Variants in PTPN14 observed in about 807,000 individuals in gnomAD.
The protein encoded by PTPN14 is tyrosine-protein phosphatase non-receptor type 14.
A neutral mutation model predicts 126.8 loss-of-function variants in PTPN14; 53 were observed. The ratio of observed to expected loss-of-function variants is 0.42; its 90% CI spans 0.34 to 0.53. The LOEUF is 0.53. PTPN14 is among the 20% of genes least tolerant of loss of function. The pLI, the probability that PTPN14 is intolerant of heterozygous loss-of-function variation, is 0.08. For missense variants in PTPN14, 1,257 were observed against 1,552.9 expected (o/e 0.81, Z 3.20); for synonymous variants, 630 against 599.3 (o/e 1.05, Z -0.75).
chr1:214,449,575 T>A (rs1214061435), intron 3 of PTPN14, among the ~76,000 whole-genome samples: 4 of 152,192 alleles, frequency 2.6e-5, no homozygotes, highest in African/African-American at 9.7e-5. Flanking sequence ...TAATGCTGTG[T>A]TCCTAGCACC....
chr1:214,389,141 G>A (rs1470028306), intron 11 of PTPN14, among the ~76,000 whole-genome samples: 1 of 152,052 alleles, frequency 6.6e-6, no homozygotes, highest in African/African-American at 2.4e-5. Flanking sequence ...CCATTTTAAG[G>A]CTTTAAAGAA....
chr1:214,495,659 TTTTTTTTATTTATTTATTTATTTATTTA>T (rs1227654961), intron 1 of PTPN14, among the ~76,000 whole-genome samples: 8 of 148,512 alleles, frequency 5.4e-5, no homozygotes, highest in South Asian at 4.2e-4. Flanking sequence ...TGCTATTTTA[TTTTTTTTATTTATTTATTTATTTATTTA>T]TTTATTTATT....
intron 1 of PTPN14, among the ~76,000 whole-genome samples, chr1:214,485,799 C>T (rs1272114852): frequency 6.6e-6 from 1 of 151,962 alleles, no homozygotes; most frequent in Non-Finnish European, 1.5e-5. Context: ...GATCTCAGCT[C>T]ACTGCAAGCT....
At chr1:214,454,004 A>T (rs1373356719) in intron 2 of PTPN14, among the ~76,000 whole-genome samples, 1 of 152,178 alleles carries the variant, frequency 6.6e-6, no homozygotes, top group Non-Finnish European at 1.5e-5. Context: ...AACTTATCTG[A>T]AAAGGGTCCA....
At chr1:214,454,369 A>T (rs1247318370) in intron 2 of PTPN14, among the ~76,000 whole-genome samples, 4 of 152,222 alleles carry the variant, frequency 2.6e-5, no homozygotes, top group South Asian at 2.1e-4. Context: ...AATCGATTTT[A>T]AAAAACGGTT....
chr1:214,419,749 G>GT lies in PTPN14; in HGVS notation c.345-5024_345-5023insA, dbSNP rs1659502735. On this transcript the variant is annotated intron_variant, in intron 3 of 18. Transcript: ENST00000366956. Reference sequence around the variant, plus strand: ...GTCCTGGGGTACAGGAGAGCAAAGGGGAATAATTTAAAATCTTAGATTGAC... The same window carrying GT: ...GTCCTGGGGTACAGGAGAGCAAAGGGTGAATAATTTAAAATCTTAGATTGAC... 7.9e-5 allele frequency among the ~76,000 whole-genome samples: 12 copies of GT among 152,198 alleles called. No individual in the cohort carries two copies. The South Asian group carries it at 2.5e-3, about 32-fold the overall frequency.
chr1:214,464,768 G>C lies in PTPN14; in HGVS notation c.36C>G (p.Arg12=). 1 of 1,614,292 alleles carries C rather than the reference G, an allele frequency of 6.2e-7. No homozygotes were observed. The highest frequency in any genetic ancestry group is 8.5e-7 in the Non-Finnish European group (1 of 1,180,050). ...PFGLKLRRTR[R]YNVLSKNCFV... ...AGCAGTTCTTGCTCAGGACGTTGTA[G>C]CGCCGTGTCCGGCGGAGCTTCAGAC... Residue 12 remains arginine, a synonymous_variant, in exon 2 of 19, where the codon CGC becomes CGG. Transcript: ENST00000366956.
chr1:214,456,609 G>A (rs1660388980), intron 2 of PTPN14, among the ~76,000 whole-genome samples: 1 of 152,096 alleles, frequency 6.6e-6, no homozygotes, highest in African/African-American at 2.4e-5. Context: ...AAAAGAAAAT[G>A]CAGAGTAACA....
rs566944926 is a variant in PTPN14, at chr1:214,491,018, GAAGA to G, written c.-154-26065_-154-26062del. On this transcript the variant is annotated intron_variant, in intron 1 of 18. Coordinates refer to ENST00000366956, the MANE Select transcript of PTPN14 (RefSeq NM_005401.5). The stretch of plus-strand genomic sequence containing the variant: ...AAGGAAAGGAAAGAAAGGAAGAAAG[GAAGA>G]AAGGAAGGAAGGAAGAAAGAAAGAA... Among the ~76,000 whole-genome samples the G allele has an allele frequency of 1.8e-3, 254 of 143,454 alleles. 1 individual carries two copies. The highest frequency in any genetic ancestry group is 5.4e-3 in the South Asian group (24 of 4,422). The allele number at this position is 143,454 out of a possible 152,430, so 94.1% of individuals were successfully genotyped here. A position where few individuals can be genotyped will look rare whatever the true frequency, so the allele number is the denominator to read the frequency against.
intron 1 of PTPN14, among the ~76,000 whole-genome samples, 188 bp downstream of exon 1, chr1:214,550,994 GC>G: frequency 6.6e-6 from 1 of 152,272 alleles, no homozygotes; most frequent in African/African-American, 2.4e-5. Context: ...CTCACCGCGG[GC>G]AGCTCCCACC....
chr1:214,379,870 C>A (rs1658432238), intron 13 of PTPN14, among the ~76,000 whole-genome samples: 1 of 152,248 alleles, frequency 6.6e-6, no homozygotes, highest in Non-Finnish European at 1.5e-5. Flanking sequence ...CATGCCCCGA[C>A]CACCTTGGGC....
chr1:214,520,065 A>AAATATATATAT lies in PTPN14; in HGVS notation c.-155+31117_-155+31118insATATATATATT. ...CCTGTCTCAAAAAAAAAAAAAAAAA[A>AAATATATATAT]ATATATATATATATATATGCAGAAT... On this transcript the variant is annotated intron_variant, in intron 1 of 18. Coordinates refer to ENST00000366956, the MANE Select transcript of PTPN14 (RefSeq NM_005401.5). 7.2e-4 allele frequency among the ~76,000 whole-genome samples: 51 copies of AAATATATATAT among 71,100 alleles called. 1 individual carries two copies. The highest frequency in any genetic ancestry group is 3.5e-3 in the African/African-American group (48 of 13,682). 46.6% of individuals were successfully genotyped at this position (71,100 alleles called of 152,430 possible).
At chr1:214,483,962 C>T (rs1661058135) in intron 1 of PTPN14, among the ~76,000 whole-genome samples, 3 of 152,300 alleles carry the variant, frequency 2.0e-5, no homozygotes, top group Admixed American at 2.0e-4. Flanking sequence ...AGAGAAAGAC[C>T]CTTTCATCTC....
At chr1:214,463,034 C>T (rs1261169951) in intron 2 of PTPN14, among the ~76,000 whole-genome samples, 2 of 152,138 alleles carry the variant, frequency 1.3e-5, no homozygotes, top group Non-Finnish European at 1.5e-5. Context: ...GACTCAGTAA[C>T]TTTTCCATTG....
At chr1:214,408,864 G>A (rs950852733) in intron 5 of PTPN14, among the ~76,000 whole-genome samples, 1 of 151,780 alleles carries the variant, frequency 6.6e-6, no homozygotes, top group Non-Finnish European at 1.5e-5. Flanking sequence ...AGCTCAGTAC[G>A]TTCAGAAAAA....
chr1:214,477,160 T>C (rs1317335497), intron 1 of PTPN14, among the ~76,000 whole-genome samples: 2 of 152,144 alleles, frequency 1.3e-5, no homozygotes, highest in African/African-American at 4.8e-5. Flanking sequence ...GATTCTAGTG[T>C]ATAACGCAAT....
chr1:214,526,582 T>G (rs539202772), intron 1 of PTPN14, among the ~76,000 whole-genome samples: 24 of 151,402 alleles, frequency 1.6e-4, no homozygotes, highest in Admixed American at 1.4e-3. Flanking sequence ...AAAAAACAGT[T>G]CTTAGATCAC....
chr1:214,448,641 A>G (rs888722068), intron 3 of PTPN14, among the ~76,000 whole-genome samples: 7 of 152,148 alleles, frequency 4.6e-5, no homozygotes, highest in Non-Finnish European at 7.3e-5. Flanking sequence ...AATCATATTT[A>G]TAAGTGCTCC....
At chr1:214,418,325 G>C (rs947371979) in intron 3 of PTPN14, among the ~76,000 whole-genome samples, 2 of 152,202 alleles carry the variant, frequency 1.3e-5, no homozygotes, top group Non-Finnish European at 2.9e-5. Context: ...CAGAAGCTTG[G>C]GGGCCATACA....
Sources: allele counts gnomAD v4.1 joint callset (sites outside exome capture counted in the v4.1 genomes callset), GRCh38; gene constraint gnomAD v4.1.1; transcripts MANE v1.5; gene names NCBI Gene and HGNC (gene_info 2026-07-23, HGNC 2026-07-21).